The following RETREG1 variants were observed in gnomAD, a reference collection of about 807,000 sequenced individuals.
RETREG1 encodes the protein family with sequence similarity 134 member B.
Under a neutral mutation model 54.8 loss-of-function variants are expected in RETREG1, and 44 were observed. The ratio of observed to expected loss-of-function variants is 0.80; its 90% CI spans 0.63 to 1.03. The LOEUF is 1.03. Ranked by LOEUF, RETREG1 falls within the 50% of genes least tolerant of loss-of-function variation. The pLI, the probability that RETREG1 is intolerant of heterozygous loss-of-function variation, is 0.00. For missense variants in RETREG1, 554 were observed against 605.1 expected, an observed-to-expected ratio of 0.92 and a Z score of 0.89; for synonymous variants, 217 against 238.5, an observed-to-expected ratio of 0.91 and a Z score of 0.83.
intron 3 of RETREG1, among the ~76,000 whole-genome samples, chr5:16,505,053 G>C (rs1371305553): frequency 2.0e-5 from 3 of 152,092 alleles, no homozygotes; most frequent in Non-Finnish European, 4.4e-5. Context: ...TACGAATGAC[G>C]TTTCGGCTTT....
At chr5:16,538,750 G>C (rs1050408138) in intron 3 of RETREG1, among the ~76,000 whole-genome samples, 1 of 151,598 alleles carries the variant, frequency 6.6e-6, no homozygotes, top group Non-Finnish European at 1.5e-5. Context: ...TGTCGCCCAG[G>C]CTGGAGTGCA....
intron 3 of RETREG1, among the ~76,000 whole-genome samples, chr5:16,537,779 G>A (rs1464440371): frequency 3.3e-5 from 5 of 152,016 alleles, no homozygotes; most frequent in Non-Finnish European, 7.4e-5. Context: ...GCAGCATGCA[G>A]CATGCAGCAT....
chr5:16,519,055 C>T (rs185173490), intron 3 of RETREG1, among the ~76,000 whole-genome samples: 55 of 152,174 alleles, frequency 3.6e-4, no homozygotes, highest in Admixed American at 1.4e-3. Context: ...AAAGAAAACA[C>T]CCAAACAAAC....
At chr5:16,498,318 C>A (rs1347104519) in intron 3 of RETREG1, among the ~76,000 whole-genome samples, 1 of 152,206 alleles carries the variant, frequency 6.6e-6, no homozygotes, top group African/African-American at 2.4e-5. Context: ...ACCTGTACAG[C>A]ACTCTACTGT....
At chr5:16,522,426 T>A (rs78397698) in intron 3 of RETREG1, among the ~76,000 whole-genome samples, 6,107 of 152,248 alleles carry the variant, frequency 0.04, 416 homozygotes, top group African/African-American at 0.14. Context: ...CCAAATGATG[T>A]AGCAACTTGA....
chr5:16,581,899 A>G (rs2126323970), intron 1 of RETREG1, among the ~76,000 whole-genome samples: 1 of 152,334 alleles, frequency 6.6e-6, no homozygotes, highest in South Asian at 2.1e-4. Context: ...TTTGTTACAT[A>G]GGTAAACATG....
At chr5:16,488,218 C>CTGATA (rs1257228022) in intron 3 of RETREG1, among the ~76,000 whole-genome samples, 1 of 152,216 alleles carries the variant, frequency 6.6e-6, no homozygotes, top group East Asian at 1.9e-4. Context: ...TGAGAGGGAG[C>CTGATA]TGATATACCC....
At chr5:16,613,400 C>T (rs1403294284) in intron 1 of RETREG1, among the ~76,000 whole-genome samples, 1 of 152,166 alleles carries the variant, frequency 6.6e-6, no homozygotes, top group East Asian at 1.9e-4. Context: ...AAGAACCCCA[C>T]AATCTCTTCC....
intron 3 of RETREG1, among the ~76,000 whole-genome samples, chr5:16,506,762 G>C (rs899628919): frequency 6.6e-6 from 1 of 151,838 alleles, no homozygotes; most frequent in African/African-American, 2.4e-5. Context: ...GCACAGATAG[G>C]GAAAAAACAA....
At chr5:16,508,909 G>C in intron 3 of RETREG1, 2 of 1,240,884 alleles carry the variant, frequency 1.6e-6, no homozygotes, top group East Asian at 3.8e-5. Context: ...TGTGACAGGC[G>C]GCTGGAAGTG....
At chr5:16,606,995 G>A (rs529144706) in intron 1 of RETREG1, among the ~76,000 whole-genome samples, 1 of 152,154 alleles carries the variant, frequency 6.6e-6, no homozygotes, top group South Asian at 2.1e-4. Flanking sequence ...GGGCTTTTGT[G>A]TGTGCCATTC....
intron 1 of RETREG1, among the ~76,000 whole-genome samples, chr5:16,575,996 C>G (rs1201124753): frequency 6.6e-6 from 1 of 152,058 alleles, no homozygotes; most frequent in Non-Finnish European, 1.5e-5. Context: ...TGAGTTTATT[C>G]TTTAGTTTAT....
At chr5:16,606,199 C>G (rs1743186633) in intron 1 of RETREG1, among the ~76,000 whole-genome samples, 1 of 152,124 alleles carries the variant, frequency 6.6e-6, no homozygotes, top group Non-Finnish European at 1.5e-5. Context: ...TCAGCTAAGG[C>G]CAGGAAGGAG....
At chr5:16,563,806 C>A (rs1250256306) in intron 3 of RETREG1, among the ~76,000 whole-genome samples, 3 of 151,810 alleles carry the variant, frequency 2.0e-5, no homozygotes, top group African/African-American at 7.3e-5. Context: ...AAATATAAAT[C>A]TTTTTTTTCC....
intron 3 of RETREG1, among the ~76,000 whole-genome samples, chr5:16,543,549 G>T (rs143133301): frequency 3.3e-5 from 5 of 151,912 alleles, no homozygotes. Flanking sequence ...GGTGGTGCAC[G>T]CCTGTAATCC....
intron 3 of RETREG1, among the ~76,000 whole-genome samples, chr5:16,565,199 T>C (rs189864188): frequency 3.8e-4 from 58 of 152,110 alleles, no homozygotes; most frequent in African/African-American, 1.2e-3. Context: ...CCCTTTACCA[T>C]AGAATGGATG....
chr5:16,532,600 A>G (rs1740946824), intron 3 of RETREG1, among the ~76,000 whole-genome samples: 1 of 152,226 alleles, frequency 6.6e-6, no homozygotes, highest in East Asian at 1.9e-4. Context: ...TATTATCTGC[A>G]TATTTGTGAA....
At chr5:16,567,569 G>A (rs1742048497) in intron 2 of RETREG1, among the ~76,000 whole-genome samples, 1 of 152,158 alleles carries the variant, frequency 6.6e-6, no homozygotes, top group South Asian at 2.1e-4. Flanking sequence ...AAGCAGCAGT[G>A]GTTACAGATG....
intron 3 of RETREG1, chr5:16,508,784 A>G: frequency 6.8e-7 from 1 of 1,477,492 alleles, no homozygotes; most frequent in Non-Finnish European, 9.0e-7. Context: ...CCTTACTCAG[A>G]AAGTTGGTGT....
Sources: allele counts gnomAD v4.1 joint callset (sites outside exome capture counted in the v4.1 genomes callset), GRCh38; gene constraint gnomAD v4.1.1; transcripts MANE v1.5; gene names NCBI Gene and HGNC (gene_info 2026-07-23, HGNC 2026-07-21).